The following ERBB4 variants were observed in gnomAD, a reference collection of about 807,000 sequenced individuals.
ERBB4 encodes the protein erb-b2 receptor tyrosine kinase 4.
Under a neutral mutation model 158.0 loss-of-function variants are expected in ERBB4, and 42 were observed. The ratio of observed to expected loss-of-function variants is 0.27; its 90% CI spans 0.21 to 0.34. The LOEUF (loss-of-function observed/expected upper bound fraction) is 0.34, where lower values mean the gene tolerates loss of function less well. Ranked by LOEUF, ERBB4 falls within the 10% of genes least tolerant of loss-of-function variation. The pLI is 1.00. For missense variants in ERBB4, 1,333 were observed against 1,624.1 expected (o/e 0.82, Z 3.08); for synonymous variants, 583 against 558.7 (o/e 1.04, Z -0.61).
At position 211,702,011 on chromosome 2, in the gene ERBB4, T is replaced by C. The variant is rs761398233; in HGVS notation, c.1445A>G (p.Asn482Ser). ...GTTGTCCCGGATTACTATTCTCTGG[T>C]TGATTGTGCTGAAGAGTGTTGTCCA... is the stretch of plus-strand genomic sequence containing the variant. ...INWTTLFSTINQRIVIRDNRK... is the reference protein window; with the variant it reads ...INWTTLFSTISQRIVIRDNRK... The change falls in exon 12 of 28, where the codon AAC (asparagine) becomes AGC (serine). Residue 482 changes from asparagine (N) to serine (S), a missense_variant. By Grantham distance (46) the Asn-to-Ser change is conservative. Transcript: ENST00000342788. 1.2e-6 allele frequency: 2 copies of C among 1,613,960 alleles called. No homozygotes were observed. Among genetic ancestry groups the C allele is most frequent in the Non-Finnish European group, 1.7e-6 (2 of 1,179,906 alleles).
intron 1 of ERBB4, among the ~76,000 whole-genome samples, chr2:212,450,182 G>C (rs1474598887): frequency 6.6e-6 from 1 of 152,148 alleles, no homozygotes; most frequent in Non-Finnish European, 1.5e-5. Context: ...AATAGCAACA[G>C]AATGGGGAGA....
rs1375248099 is a variant in ERBB4 at position 211,379,630 on chromosome 2, C to A, written c.*3985G>T. 1 of 231,534 alleles carries A rather than the reference C, an allele frequency of 4.3e-6. No individual in the cohort carries two copies. 14.3% of individuals were successfully genotyped at this position (231,534 alleles called of 1,614,324 possible). A position where few individuals can be genotyped will look rare whatever the true frequency, so the allele number is the denominator to read the frequency against. Reference sequence around the variant, plus strand: ...TTGATTTATTTAATAATATTAAAATCATTTAACATCTGATAACCTAACTAA... The same window carrying A: ...TTGATTTATTTAATAATATTAAAATAATTTAACATCTGATAACCTAACTAA... On this transcript the variant is annotated 3_prime_UTR_variant, in exon 28 of 28. Transcript: ENST00000342788.
chr2:211,415,111 T>TTTC (rs2063355808), intron 25 of ERBB4, among the ~76,000 whole-genome samples: 2 of 98,268 alleles, frequency 2.0e-5, no homozygotes, highest in South Asian at 8.1e-4. Flanking sequence ...CATTTTCTTT[T>TTTC]TTTTTTTTTT....
chr2:212,430,314 G>A (rs978094133), intron 1 of ERBB4, among the ~76,000 whole-genome samples: 21 of 152,004 alleles, frequency 1.4e-4, no homozygotes, highest in African/African-American at 4.3e-4. Context: ...TCTTATTTAA[G>A]CCAGAAGAAC....
At chr2:211,702,532 C>T (rs2073291410) in intron 11 of ERBB4, among the ~76,000 whole-genome samples, 2 of 152,092 alleles carry the variant, frequency 1.3e-5, no homozygotes, top group South Asian at 4.1e-4. Context: ...TGTTCATCTA[C>T]TCAAAATAAG....
intron 1 of ERBB4, among the ~76,000 whole-genome samples, chr2:212,413,564 A>G (rs1160008444): frequency 3.3e-5 from 5 of 152,136 alleles, no homozygotes; most frequent in African/African-American, 4.8e-5. Context: ...TATGGTTTGT[A>G]TACCTTATTT....
chr2:211,977,785 G>T (rs1288137015), intron 2 of ERBB4, among the ~76,000 whole-genome samples: 3 of 148,408 alleles, frequency 2.0e-5, no homozygotes, highest in Non-Finnish European at 4.4e-5. Context: ...CTGGGAGGCG[G>T]AGGTTGCACT....
At chr2:212,488,192 C>A (rs1690080109) in intron 1 of ERBB4, among the ~76,000 whole-genome samples, 2 of 152,030 alleles carry the variant, frequency 1.3e-5, no homozygotes, top group Non-Finnish European at 2.9e-5. Flanking sequence ...TTGAATCACT[C>A]CTTTTATCCC....
chr2:211,971,345 A>C (rs1410414821), intron 2 of ERBB4, among the ~76,000 whole-genome samples: 1 of 152,052 alleles, frequency 6.6e-6, no homozygotes, highest in Non-Finnish European at 1.5e-5. Context: ...GACTCTCCCA[A>C]AACTGAACCA....
At chr2:212,045,166 A>C (rs2077230439) in intron 2 of ERBB4, among the ~76,000 whole-genome samples, 1 of 152,202 alleles carries the variant, frequency 6.6e-6, no homozygotes, top group Admixed American at 6.6e-5. Context: ...ATACTACGTG[A>C]GAATAAAACT....
At chr2:211,453,837 C>G (rs903817131) in intron 20 of ERBB4, among the ~76,000 whole-genome samples, 3 of 152,146 alleles carry the variant, frequency 2.0e-5, no homozygotes, top group Non-Finnish European at 2.9e-5. Context: ...ACTTATACCT[C>G]TCATTTCACA....
chr2:211,986,157 G>T lies in ERBB4; in HGVS notation c.235-38541C>A, dbSNP rs147708535. 7.3e-3 allele frequency among the ~76,000 whole-genome samples: 1,113 copies of T among 152,250 alleles called. 10 individuals carry two copies. The highest frequency in any genetic ancestry group is 0.012 in the Admixed American group (177 of 15,290). On this transcript the variant is annotated intron_variant, in intron 2 of 27. Transcript: ENST00000342788. ...GGACTGCCAGCAATCACAGAAGTCA[G>T]GAGAAAGACCTGGAACAGATTCTTT... is the stretch of plus-strand genomic sequence containing the variant.
intron 3 of ERBB4, among the ~76,000 whole-genome samples, chr2:211,832,737 G>C (rs36022387): frequency 0.14 from 20,486 of 150,838 alleles, 1,494 homozygotes; most frequent in Admixed American, 0.15. Flanking sequence ...GAACCATCCT[G>C]GATAGAACAG....
At chr2:211,475,235 A>T (rs962475062) in intron 20 of ERBB4, among the ~76,000 whole-genome samples, 1 of 152,050 alleles carries the variant, frequency 6.6e-6, no homozygotes, top group African/African-American at 2.4e-5. Context: ...TTTTATATAG[A>T]GGGATAAGTT....
intron 9 of ERBB4, among the ~76,000 whole-genome samples, chr2:211,707,950 A>G (rs1001509004): frequency 6.6e-6 from 1 of 152,210 alleles, no homozygotes; most frequent in African/African-American, 2.4e-5. Context: ...AGCTATTTTA[A>G]TCAAACCATA....
intron 16 of ERBB4, among the ~76,000 whole-genome samples, chr2:211,646,190 G>C (rs1461138629): frequency 6.6e-6 from 1 of 151,434 alleles, no homozygotes; most frequent in Non-Finnish European, 1.5e-5. Flanking sequence ...AGTATGTAGA[G>C]AAATGTGTGG....
chr2:212,273,324 T>C (rs1157732321), intron 1 of ERBB4, among the ~76,000 whole-genome samples: 3 of 151,856 alleles, frequency 2.0e-5, no homozygotes, highest in African/African-American at 7.2e-5. Context: ...AATTCATTGA[T>C]AAATAGCAAG....
At chr2:211,636,893 C>G (rs1209361321) in intron 16 of ERBB4, among the ~76,000 whole-genome samples, 2 of 151,976 alleles carry the variant, frequency 1.3e-5, no homozygotes, top group Non-Finnish European at 2.9e-5. Flanking sequence ...GCTATAAAAC[C>G]CATGAGTATG....
intron 3 of ERBB4, among the ~76,000 whole-genome samples, chr2:211,844,939 A>T (rs2077555785): frequency 6.6e-6 from 1 of 152,144 alleles, no homozygotes; most frequent in African/African-American, 2.4e-5. Flanking sequence ...TTCTTGGGAC[A>T]GCTGAAGGGC....
Sources: allele counts gnomAD v4.1 joint callset (sites outside exome capture counted in the v4.1 genomes callset), GRCh38; gene constraint gnomAD v4.1.1; transcripts MANE v1.5; gene names NCBI Gene and HGNC (gene_info 2026-07-23, HGNC 2026-07-21).